GRID2: variants seen among roughly 807,000 people sequenced by gnomAD.
GRID2 encodes the protein glutamate receptor ionotropic, delta-2.
In GRID2, 33 loss-of-function variants were observed where a neutral mutation model predicts 114.8. The ratio of observed to expected loss-of-function variants is 0.29; its 90% CI spans 0.22 to 0.38. The LOEUF (loss-of-function observed/expected upper bound fraction) is 0.38, where lower values mean the gene tolerates loss of function less well. Among genes scored for constraint, GRID2 ranks in the 10% least tolerant of loss-of-function variants. The pLI, the probability that GRID2 is intolerant of heterozygous loss-of-function variation, is 1.00. For missense variants in GRID2, 1,184 were observed against 1,257.7 expected (o/e 0.94, Z 0.89); for synonymous variants, 505 against 449.9 (o/e 1.12, Z -1.55).
At chr4:93,278,059 A>T (rs1478783176) in intron 8 of GRID2, among the ~76,000 whole-genome samples, 9 of 151,980 alleles carry the variant, frequency 5.9e-5, no homozygotes, top group Non-Finnish European at 1.0e-4. Flanking sequence ...AAATGAGCAG[A>T]TAAATTTGAC....
chr4:93,717,439 G>T lies in GRID2; in HGVS notation c.2361-51771G>T, dbSNP rs77881012. 2.6e-5 allele frequency among the ~76,000 whole-genome samples: 4 copies of T among 151,728 alleles called. No individual in the cohort carries two copies. In the East Asian group the frequency reaches 7.8e-4, roughly 29 times the overall value. On this transcript the variant is annotated intron_variant, in intron 14 of 15. Transcript: ENST00000282020. ...TTTTTTAGAGTAACTGACTAGTGAA[G>T]AATTGAAACTAAACACTTCAGAGCC...
intron 7 of GRID2, among the ~76,000 whole-genome samples, chr4:93,236,816 T>C (rs1354627758): frequency 1.3e-5 from 2 of 152,086 alleles, no homozygotes; most frequent in African/African-American, 4.8e-5. Flanking sequence ...TATTTAAGCG[T>C]ATAATAATTT....
intron 2 of GRID2, among the ~76,000 whole-genome samples, chr4:92,715,108 C>T (rs1251777772): frequency 6.6e-6 from 1 of 152,162 alleles, no homozygotes; most frequent in African/African-American, 2.4e-5. Flanking sequence ...GCCTCTTTTG[C>T]TGTGCTGCTT....
chr4:92,937,041 G>T (rs540879261), intron 2 of GRID2, among the ~76,000 whole-genome samples: 1 of 146,080 alleles, frequency 6.8e-6, no homozygotes, highest in South Asian at 2.3e-4. Flanking sequence ...GTTTTTCTCT[G>T]TTGTTGACTT....
Position 93,312,539 on chromosome 4 carries a change from C to T in GRID2, c.1245+74049C>T, listed in dbSNP as rs539860310. On this transcript the variant is annotated intron_variant, in intron 8 of 15. Transcript: ENST00000282020. Reference sequence around the variant, plus strand: ...TCAATTGTTTGATTAATTGTAAATGCGGAAGTTGAGGGTAGGGAAGTAAAA... The same window carrying T: ...TCAATTGTTTGATTAATTGTAAATGTGGAAGTTGAGGGTAGGGAAGTAAAA... 6.6e-5 allele frequency among the ~76,000 whole-genome samples: 10 copies of T among 152,194 alleles called. No homozygotes were observed. The East Asian group carries it at 1.5e-3, about 24-fold the overall frequency.
In GRID2 at chr4:93,616,986, C is replaced by T. The variant is rs193135468; in HGVS notation, c.2194-9283C>T. 3.0e-3 allele frequency among the ~76,000 whole-genome samples: 444 copies of T among 147,982 alleles called. 1 individual carries two copies. Among genetic ancestry groups the T allele is most frequent in the African/African-American group, 8.5e-3 (340 of 40,040 alleles). The stretch of plus-strand genomic sequence containing the variant: ...CAGCCTGGGCGACAGAATGAGATTC[C>T]ATCTCAAAAAAAAAAAAAATTCATA... On this transcript the variant is annotated intron_variant, in intron 13 of 15. Coordinates refer to ENST00000282020, the MANE Select transcript of GRID2 (RefSeq NM_001510.4).
intron 1 of GRID2, among the ~76,000 whole-genome samples, chr4:92,349,649 T>A (rs1011265176): frequency 3.3e-5 from 5 of 151,690 alleles, no homozygotes; most frequent in African/African-American, 1.2e-4. Flanking sequence ...TTTTGAGAAA[T>A]TTATCATCTG....
intron 8 of GRID2, among the ~76,000 whole-genome samples, chr4:93,294,110 A>C (rs1754033576): frequency 6.6e-6 from 1 of 152,200 alleles, no homozygotes. Context: ...CTGAGATAAA[A>C]GTAAAGGAAC....
At chr4:93,357,183 T>C in intron 8 of GRID2, among the ~76,000 whole-genome samples, 1 of 151,636 alleles carries the variant, frequency 6.6e-6, no homozygotes, top group East Asian at 1.9e-4. Flanking sequence ...AAATGTCTCT[T>C]TTCTCACCTA....
chr4:93,307,626 G>A (rs1193960427), intron 8 of GRID2, among the ~76,000 whole-genome samples: 1 of 151,976 alleles, frequency 6.6e-6, no homozygotes, highest in East Asian at 1.9e-4. Context: ...AAAATATTTT[G>A]CAAATAATAA....
intron 7 of GRID2, among the ~76,000 whole-genome samples, chr4:93,232,759 T>C (rs977932468): frequency 6.6e-6 from 1 of 152,020 alleles, no homozygotes; most frequent in African/African-American, 2.4e-5. Flanking sequence ...CAATATGATA[T>C]CTCATAGAGT....
chr4:93,267,886 G>C (rs888638425), intron 8 of GRID2, among the ~76,000 whole-genome samples: 1 of 152,166 alleles, frequency 6.6e-6, no homozygotes, highest in Admixed American at 6.5e-5. Context: ...TGGCACCCAG[G>C]TGTGAGATCC....
chr4:93,346,880 T>C (rs377397656), intron 8 of GRID2, among the ~76,000 whole-genome samples: 2 of 152,172 alleles, frequency 1.3e-5, no homozygotes, highest in South Asian at 4.1e-4. Flanking sequence ...GTTTAATAAT[T>C]CATAAATAGG....
intron 1 of GRID2, among the ~76,000 whole-genome samples, chr4:92,482,365 C>T (rs1168655052): frequency 1.3e-5 from 2 of 151,874 alleles, no homozygotes; most frequent in African/African-American, 4.8e-5. Flanking sequence ...TGAAAAACTA[C>T]TTATTGGGTA....
At chr4:92,707,280 C>T (rs553728601) in intron 2 of GRID2, among the ~76,000 whole-genome samples, 9 of 152,154 alleles carry the variant, frequency 5.9e-5, no homozygotes, top group Admixed American at 3.9e-4. Flanking sequence ...TGTATCCAAA[C>T]GGTGGGCACA....
intron 4 of GRID2, among the ~76,000 whole-genome samples, chr4:93,145,034 A>G (rs1428478461): frequency 6.6e-6 from 1 of 152,126 alleles, no homozygotes; most frequent in East Asian, 1.9e-4. Context: ...TCACATATGG[A>G]CATTACAATA....
At chr4:92,944,962 G>A in intron 2 of GRID2, among the ~76,000 whole-genome samples, 1 of 152,020 alleles carries the variant, frequency 6.6e-6, no homozygotes, top group South Asian at 2.1e-4. Context: ...TGTCATATTT[G>A]CCACTGTTTT....
intron 8 of GRID2, among the ~76,000 whole-genome samples, chr4:93,280,724 A>G (rs1454169690): frequency 6.6e-6 from 1 of 152,000 alleles, no homozygotes; most frequent in Non-Finnish European, 1.5e-5. Context: ...ACAGTCAACC[A>G]CTTTTAGTGA....
intron 1 of GRID2, among the ~76,000 whole-genome samples, chr4:92,422,256 G>T (rs1436851587): frequency 6.6e-6 from 1 of 152,040 alleles, no homozygotes; most frequent in Non-Finnish European, 1.5e-5. Context: ...AAAGTTGAAT[G>T]AGTGAAATGG....
Sources: gnomAD v4.1 joint callset for allele counts (sites outside exome capture counted in the v4.1 genomes callset) on GRCh38, gnomAD v4.1.1 for gene constraint, MANE v1.5 for transcripts, NCBI Gene and HGNC (gene_info 2026-07-23, HGNC 2026-07-21) for gene names.